The following MGAT5 variants were observed in gnomAD, a reference collection of about 807,000 sequenced individuals.
MGAT5 encodes the protein alpha-1,6-mannosylglycoprotein 6-beta-N-acetylglucosaminyltransferase A.
Under a neutral mutation model 94.3 loss-of-function variants are expected in MGAT5, and 30 were observed. The ratio of observed to expected loss-of-function variants is 0.32; its 90% CI spans 0.24 to 0.43. The LOEUF (loss-of-function observed/expected upper bound fraction) is 0.43. MGAT5 is among the 20% of genes least tolerant of loss of function. MGAT5 has a pLI of 1.00. For synonymous variants in MGAT5, 310 were observed against 322.9 expected, an observed-to-expected ratio of 0.96 and a Z score of 0.43; for missense variants, 691 against 905.5, an observed-to-expected ratio of 0.76 and a Z score of 3.04.
chr2:134,160,728 C>G (rs547963053), intron 1 of MGAT5, among the ~76,000 whole-genome samples: 9 of 152,326 alleles, frequency 5.9e-5, no homozygotes, highest in African/African-American at 9.6e-5. Context: ...ATCCTGGCTT[C>G]CCTTGTCAGC....
chr2:134,168,413 T>C (rs139120129), intron 1 of MGAT5, among the ~76,000 whole-genome samples: 288 of 152,312 alleles, frequency 1.9e-3, no homozygotes, highest in Non-Finnish European at 2.2e-3. Context: ...GGAGACTTGA[T>C]GAGAGGCCTC....
intron 9 of MGAT5, among the ~76,000 whole-genome samples, chr2:134,361,295 AGCTGTTC>A (rs1680082013): frequency 6.6e-6 from 1 of 152,212 alleles, no homozygotes; most frequent in Non-Finnish European, 1.5e-5. Flanking sequence ...TGTTATTTAT[AGCTGTTC>A]TATTCAGGTC....
At chr2:134,154,181 G>A (rs1687367241) in intron 1 of MGAT5, among the ~76,000 whole-genome samples, 1 of 152,262 alleles carries the variant, frequency 6.6e-6, no homozygotes, top group East Asian at 1.9e-4. Flanking sequence ...GAGGAATTTG[G>A]GAGAAACGAA....
intron 1 of MGAT5, among the ~76,000 whole-genome samples, chr2:134,162,298 A>G (rs1687773791): frequency 1.3e-5 from 2 of 152,158 alleles, no homozygotes; most frequent in Admixed American, 1.3e-4. Context: ...TTTGCTGAAG[A>G]CTGGCGGGTT....
At chr2:134,144,847 A>T (rs1387007164) in intron 1 of MGAT5, among the ~76,000 whole-genome samples, 4 of 152,080 alleles carry the variant, frequency 2.6e-5, no homozygotes, top group Non-Finnish European at 5.9e-5. Context: ...TGATGTCATG[A>T]TGTGGGAAAC....
At chr2:134,431,213 A>G (rs1684857144) in intron 14 of MGAT5, among the ~76,000 whole-genome samples, 1 of 152,188 alleles carries the variant, frequency 6.6e-6, no homozygotes, top group Admixed American at 6.5e-5. Flanking sequence ...GAAGAATTCC[A>G]GTTTGATTCT....
intron 1 of MGAT5, among the ~76,000 whole-genome samples, chr2:134,189,274 G>T (rs1009944528): frequency 1.3e-5 from 2 of 152,128 alleles, no homozygotes; most frequent in African/African-American, 4.8e-5. Flanking sequence ...CCAGACTCCA[G>T]CCTGAGTCAT....
rs531008931 is a variant in MGAT5 at position 134,387,459 on chromosome 2, A to C, written c.1381-15529A>C. Among the ~76,000 whole-genome samples, 20 of 150,296 alleles carry C rather than the reference A, an allele frequency of 1.3e-4. 1 individual carries two copies. In the South Asian group the frequency reaches 4.2e-3, roughly 32 times the overall value. On this transcript the variant is annotated intron_variant, in intron 10 of 15. Transcript: ENST00000281923. ...TTAGAGGACTAGAGGACCTTAAGCA[A>C]GTTTCTGGGCCTGAGTTTGTCTGTC...
intron 2 of MGAT5, among the ~76,000 whole-genome samples, chr2:134,296,516 C>T (rs1006665600): frequency 4.6e-5 from 7 of 151,586 alleles, no homozygotes; most frequent in Non-Finnish European, 8.8e-5. Context: ...TTTTTTTCCC[C>T]TTGTCTTGTT....
intron 2 of MGAT5, among the ~76,000 whole-genome samples, chr2:134,273,041 A>G (rs1270978789): frequency 6.6e-6 from 1 of 151,484 alleles, no homozygotes; most frequent in Non-Finnish European, 1.5e-5. Flanking sequence ...GTGCGCGTGC[A>G]TGCATGCAGA....
At chr2:134,237,982 C>T (rs569958477) in intron 1 of MGAT5, among the ~76,000 whole-genome samples, 1 of 152,254 alleles carries the variant, frequency 6.6e-6, no homozygotes, top group Admixed American at 6.5e-5. Flanking sequence ...AACTCCTGAC[C>T]TTGTGATCCG....
chr2:134,385,311 A>G (rs1042914615), intron 10 of MGAT5, among the ~76,000 whole-genome samples: 4 of 152,222 alleles, frequency 2.6e-5, no homozygotes, highest in African/African-American at 9.6e-5. Context: ...ACTGCTATGC[A>G]TTAAACAGCA....
intron 1 of MGAT5, among the ~76,000 whole-genome samples, chr2:134,125,410 G>A (rs1685796980): frequency 6.6e-6 from 1 of 152,172 alleles, no homozygotes; most frequent in Non-Finnish European, 1.5e-5. Context: ...AGTATGCCCT[G>A]TACTAGCCAG....
intron 1 of MGAT5, among the ~76,000 whole-genome samples, chr2:134,235,795 A>G (rs1450269189): frequency 6.6e-6 from 1 of 150,866 alleles, no homozygotes; most frequent in African/African-American, 2.4e-5. Flanking sequence ...AGTGGTCATG[A>G]GAGGCAAGTG....
chr2:134,379,621 G>C (rs533526647), intron 10 of MGAT5, among the ~76,000 whole-genome samples: 2 of 152,224 alleles, frequency 1.3e-5, no homozygotes, highest in African/African-American at 2.4e-5. Context: ...TTTTACCAGC[G>C]AGCGATCATG....
At chr2:134,316,851 T>A (rs960650545) in intron 2 of MGAT5, among the ~76,000 whole-genome samples, 1 of 152,154 alleles carries the variant, frequency 6.6e-6, no homozygotes, top group Non-Finnish European at 1.5e-5. Context: ...AAGGCATTTG[T>A]TTTCGTTTTG....
chr2:134,146,763 C>T (rs565984051), intron 1 of MGAT5, among the ~76,000 whole-genome samples: 1 of 152,242 alleles, frequency 6.6e-6, no homozygotes, highest in East Asian at 1.9e-4. Context: ...TTCTTTCAGC[C>T]CTGGGGACTG....
chr2:134,236,546 C>T (rs1681647847), intron 1 of MGAT5, among the ~76,000 whole-genome samples: 2 of 152,182 alleles, frequency 1.3e-5, no homozygotes, highest in African/African-American at 4.8e-5. Context: ...GACCTTCCCC[C>T]CCCTTTTGCT....
chr2:134,318,458 C>A (rs1687130323), intron 3 of MGAT5, among the ~76,000 whole-genome samples, 192 bp from the exon 4 acceptor site: 1 of 152,158 alleles, frequency 6.6e-6, no homozygotes, highest in African/African-American at 2.4e-5. Flanking sequence ...CCAGTGTCTT[C>A]CTGTTAATCG....
Sources: gnomAD v4.1 joint callset for allele counts (sites outside exome capture counted in the v4.1 genomes callset) on GRCh38, gnomAD v4.1.1 for gene constraint, MANE v1.5 for transcripts, NCBI Gene and HGNC (gene_info 2026-07-23, HGNC 2026-07-21) for gene names.